ALOX5AP: variants seen among roughly 807,000 people sequenced by gnomAD.
ALOX5AP encodes arachidonate 5-lipoxygenase activating protein.
Under a neutral mutation model 18.5 loss-of-function variants are expected in ALOX5AP, and 9 were observed. The ratio of observed to expected loss-of-function variants is 0.49; its 90% CI spans 0.29 to 0.85. The LOEUF (loss-of-function observed/expected upper bound fraction) is 0.85, where lower values mean the gene tolerates loss of function less well. ALOX5AP is among the 40% of genes least tolerant of loss of function. ALOX5AP has a pLI of 0.08. For missense variants in ALOX5AP, 172 were observed against 202.5 expected (o/e 0.85, Z 0.91); for synonymous variants, 81 against 78.6 (o/e 1.03, Z -0.16).
At chr13:30,749,936 C>T (rs1951838488) in intron 2 of ALOX5AP, among the ~76,000 whole-genome samples, 1 of 152,172 alleles carries the variant, frequency 6.6e-6, no homozygotes, top group Non-Finnish European at 1.5e-5. Flanking sequence ...ACCACTGAGG[C>T]ATGAGACCCT....
chr13:30,729,560 T>C (rs1027826664), intron 1 of ALOX5AP, among the ~76,000 whole-genome samples: 7 of 149,146 alleles, frequency 4.7e-5, no homozygotes, highest in African/African-American at 1.7e-4. Context: ...AGCAAAGAAA[T>C]CCATGTCTAA....
chr13:30,753,380 T>C (rs573170535), intron 3 of ALOX5AP, among the ~76,000 whole-genome samples: 29 of 152,358 alleles, frequency 1.9e-4, no homozygotes, highest in African/African-American at 6.7e-4. Context: ...CTAGGAGTTA[T>C]GGTTCTTTTT....
At chr13:30,744,229 AC>A in intron 2 of ALOX5AP, 70 bp downstream of exon 2, 2 of 1,363,308 alleles carry the variant, frequency 1.5e-6, no homozygotes, top group Admixed American at 1.8e-5. Flanking sequence ...AGGAGTGATG[AC>A]CACCCTTAAT....
intron 4 of ALOX5AP, among the ~76,000 whole-genome samples, chr13:30,763,501 T>A (rs1189414921): frequency 6.6e-6 from 1 of 152,218 alleles, no homozygotes; most frequent in Admixed American, 6.5e-5. Context: ...ACCGGTTTTA[T>A]CGGCTCATTT....
intron 1 of ALOX5AP, among the ~76,000 whole-genome samples, chr13:30,739,028 C>G (rs1951741884): frequency 6.6e-6 from 1 of 152,174 alleles, no homozygotes; most frequent in African/African-American, 2.4e-5. Flanking sequence ...GAAGCAGAAT[C>G]ATAGACTCAT....
intron 1 of ALOX5AP, among the ~76,000 whole-genome samples, chr13:30,740,705 A>G (rs1951755927): frequency 6.6e-6 from 1 of 152,178 alleles, no homozygotes; most frequent in Non-Finnish European, 1.5e-5. Flanking sequence ...TGTTTTGTTT[A>G]AAGGATAGGG....
chr13:30,732,951 C>G (rs1463422416), upstream of ALOX5AP, among the ~76,000 whole-genome samples: 1 of 151,768 alleles, frequency 6.6e-6, no homozygotes, highest in African/African-American at 2.4e-5. Flanking sequence ...GTCAGGAGAT[C>G]GAGACCATCC....
intron 1 of ALOX5AP, among the ~76,000 whole-genome samples, chr13:30,723,224 A>G (rs1035130953): frequency 1.3e-5 from 2 of 152,252 alleles, no homozygotes; most frequent in African/African-American, 4.8e-5. Flanking sequence ...CTCATTGCTA[A>G]GGAGATACAA....
At chr13:30,713,858 G>GTGTA in intron 1 of ALOX5AP, 1 of 1,533,666 alleles carries the variant, frequency 6.5e-7, no homozygotes, top group Non-Finnish European at 8.7e-7. Flanking sequence ...GTGTGTGTGC[G>GTGTA]CGCACACGCG....
At chr13:30,715,324 C>T (rs1255144865) in intron 1 of ALOX5AP, among the ~76,000 whole-genome samples, 1 of 152,208 alleles carries the variant, frequency 6.6e-6, no homozygotes, top group East Asian at 1.9e-4. Context: ...CCGTGCCTGG[C>T]ACATTTACTG....
In ALOX5AP at chr13:30,739,815, C is replaced by T. The variant is rs186273623; in HGVS notation, c.70+4140C>T. ...GGTTGAAAGTCCCAAGGTCAGGAGT[C>T]GTGAAGCTGGGATTAAAACCTAATC... On this transcript the variant is annotated intron_variant, in intron 1 of 4. Coordinates refer to ENST00000380490, the MANE Select transcript of ALOX5AP (RefSeq NM_001629.4). Among the ~76,000 whole-genome samples the T allele has an allele frequency of 1.7e-4, 26 of 152,322 alleles. 1 individual carries two copies. The highest frequency in any genetic ancestry group is 1.2e-3 in the Admixed American group (19 of 15,298).
At chr13:30,744,884 T>A (rs1452770305) in intron 2 of ALOX5AP, among the ~76,000 whole-genome samples, 1 of 152,192 alleles carries the variant, frequency 6.6e-6, no homozygotes, top group Non-Finnish European at 1.5e-5. Context: ...TAGGGGCCTG[T>A]CACAGAGGAA....
chr13:30,757,672 A>C (rs573787228), intron 4 of ALOX5AP, among the ~76,000 whole-genome samples: 1 of 151,974 alleles, frequency 6.6e-6, no homozygotes, highest in East Asian at 1.9e-4. Context: ...TCCTCTCTTC[A>C]TCTGTCACCA....
chr13:30,741,340 C>T (rs11617473), intron 1 of ALOX5AP, among the ~76,000 whole-genome samples: 32,764 of 148,934 alleles, frequency 0.22, 3,988 homozygotes, highest in East Asian at 0.38. Context: ...TCGACACATC[C>T]TCCATATACT....
In ALOX5AP at chr13:30,764,373, G is replaced by A. The variant is rs201598518; in HGVS notation, c.*267G>A. On this transcript the variant is annotated 3_prime_UTR_variant, in exon 5 of 5. Transcript: ENST00000380490. ...TTATCCTGTTCTCTGAAGATGTTTT[G>A]TGACCAGGTTTGTGTTTTCTTAAAA... 1.1e-5 allele frequency: 4 copies of A among 373,574 alleles called. No homozygotes were observed. Among genetic ancestry groups the A allele is most frequent in the Non-Finnish European group, 1.9e-5 (4 of 209,724 alleles). The allele number at this position is 373,574 out of a possible 1,614,324, so 23.1% of individuals were successfully genotyped here. A position where few individuals can be genotyped will look rare whatever the true frequency, so the allele number is the denominator to read the frequency against.
intron 1 of ALOX5AP, among the ~76,000 whole-genome samples, chr13:30,725,737 ATT>A (rs745993484): frequency 2.0e-5 from 3 of 152,156 alleles, no homozygotes; most frequent in Non-Finnish European, 4.4e-5. Flanking sequence ...GCTTAATTTT[ATT>A]TGTTATAAAA....
chr13:30,744,214 C>A, intron 2 of ALOX5AP, 55 bp downstream of exon 2: 1 of 1,505,512 alleles, frequency 6.6e-7, no homozygotes, highest in East Asian at 2.3e-5. Context: ...GGGGGGCCTC[C>A]TTCTAGGAGT....
chr13:30,733,877 C>T (rs1951700422), upstream of ALOX5AP, among the ~76,000 whole-genome samples: 1 of 151,326 alleles, frequency 6.6e-6, no homozygotes, highest in South Asian at 2.1e-4. Context: ...GCACCATTGC[C>T]CTCCATCTTC....
At chr13:30,719,702 AG>A (rs1951578299) in intron 1 of ALOX5AP, among the ~76,000 whole-genome samples, 1 of 152,208 alleles carries the variant, frequency 6.6e-6, no homozygotes, top group South Asian at 2.1e-4. Context: ...CTTCTAGAGA[AG>A]TGAGACGATG....
Sources: gnomAD v4.1 joint callset for allele counts (sites outside exome capture counted in the v4.1 genomes callset) on GRCh38, gnomAD v4.1.1 for gene constraint, MANE v1.5 for transcripts, NCBI Gene and HGNC (gene_info 2026-07-23, HGNC 2026-07-21) for gene names.